The following PTPRO variants were observed in gnomAD, a reference collection of about 807,000 sequenced individuals.
PTPRO encodes receptor-type tyrosine-protein phosphatase O.
PTPRO carries 62 observed loss-of-function variants against 145.2 expected under a neutral mutation model. The ratio of observed to expected loss-of-function variants is 0.43; its 90% CI spans 0.35 to 0.53. The LOEUF (loss-of-function observed/expected upper bound fraction) is 0.53. Among genes scored for constraint, PTPRO ranks in the 20% least tolerant of loss-of-function variants. The pLI is 0.01. For synonymous variants in PTPRO, 565 were observed against 514.7 expected (o/e 1.10, Z -1.32); for missense variants, 1,345 against 1,482.7 (o/e 0.91, Z 1.53).
chr12:15,449,138 G>A (rs1217733607), intron 1 of PTPRO, among the ~76,000 whole-genome samples: 1 of 150,164 alleles, frequency 6.7e-6, no homozygotes, highest in East Asian at 1.9e-4. Context: ...AAAAAAAAAG[G>A]AAATGACATA....
intron 1 of PTPRO, among the ~76,000 whole-genome samples, chr12:15,336,999 C>T (rs575824650): frequency 1.3e-5 from 2 of 152,262 alleles, no homozygotes; most frequent in South Asian, 4.1e-4. Context: ...ACAATCAGAA[C>T]CTAGTCCTAC....
intron 1 of PTPRO, among the ~76,000 whole-genome samples, chr12:15,344,952 C>T (rs1035014638): frequency 6.6e-6 from 1 of 152,198 alleles, no homozygotes; most frequent in Non-Finnish European, 1.5e-5. Flanking sequence ...TATTCTATGG[C>T]TCAGAGGAAT....
intron 7 of PTPRO, among the ~76,000 whole-genome samples, chr12:15,509,202 CGTGA>C (rs1018048203): frequency 6.6e-6 from 1 of 151,818 alleles, no homozygotes; most frequent in African/African-American, 2.4e-5. Context: ...AGGAGCTGAG[CGTGA>C]GTAACATGGA....
chr12:15,597,733 A>G lies in PTPRO; in HGVS notation c.*1660A>G, dbSNP rs1047723005. On this transcript the variant is annotated 3_prime_UTR_variant, in exon 27 of 27. Coordinates refer to ENST00000281171, the MANE Select transcript of PTPRO (RefSeq NM_030667.3). ...TGCAGGTTAACAGCTTGGGCTCCTC[A>G]GGGGTTGTCAGTTCCTACTCACCTC... Among the ~76,000 whole-genome samples the G allele has an allele frequency of 1.3e-5, 2 of 152,162 alleles. No homozygotes were observed. Among genetic ancestry groups the G allele is most frequent in the East Asian group, 3.9e-4 (2 of 5,194 alleles).
At chr12:15,350,727 G>A (rs890074383) in intron 1 of PTPRO, among the ~76,000 whole-genome samples, 4 of 152,194 alleles carry the variant, frequency 2.6e-5, no homozygotes, top group African/African-American at 9.7e-5. Context: ...TACCTCTGTT[G>A]TACCAGATGC....
At chr12:15,450,844 T>A (rs768695108) in intron 1 of PTPRO, among the ~76,000 whole-genome samples, 63 of 151,900 alleles carry the variant, frequency 4.1e-4, no homozygotes, top group Non-Finnish European at 7.5e-4. Context: ...GAGCTCTAAA[T>A]CTTGAAACAA....
chr12:15,458,129 G>A (rs575506303), intron 1 of PTPRO, among the ~76,000 whole-genome samples: 1 of 152,256 alleles, frequency 6.6e-6, no homozygotes, highest in African/African-American at 2.4e-5. Context: ...GCCATATATA[G>A]TGTTCTTAGT....
At chr12:15,577,218 A>G (rs939930397) in intron 19 of PTPRO, among the ~76,000 whole-genome samples, 2 of 152,224 alleles carry the variant, frequency 1.3e-5, no homozygotes, top group Non-Finnish European at 2.9e-5. Context: ...AGAACTTCAG[A>G]TATTGTCATC....
chr12:15,560,338 A>C, intron 17 of PTPRO, 62 bp downstream of exon 17: 1 of 1,278,034 alleles, frequency 7.8e-7, no homozygotes, highest in South Asian at 1.2e-5. Flanking sequence ...CAAGAAGTAA[A>C]CAAAAAGGAA....
At chr12:15,592,600 G>A (rs1944576748) in intron 25 of PTPRO, among the ~76,000 whole-genome samples, 2 of 152,122 alleles carry the variant, frequency 1.3e-5, no homozygotes, top group South Asian at 2.1e-4. Context: ...ACTTCTTCAC[G>A]CAAGTAGAGG....
intron 1 of PTPRO, among the ~76,000 whole-genome samples, chr12:15,384,054 T>C (rs1012477781): frequency 6.6e-6 from 1 of 152,172 alleles, no homozygotes; most frequent in Non-Finnish European, 1.5e-5. Flanking sequence ...TCTATTTTAA[T>C]ATTAATGCTA....
At chr12:15,520,080 CA>C (rs1942682906) in intron 9 of PTPRO, 120 bp from the exon 10 acceptor site, 1 of 659,424 alleles carries the variant, frequency 1.5e-6, no homozygotes. Flanking sequence ...TTAGGAAACA[CA>C]AAAAGACAAT....
intron 1 of PTPRO, among the ~76,000 whole-genome samples, chr12:15,441,916 T>C (rs541733622): frequency 1.4e-4 from 22 of 152,278 alleles, no homozygotes; most frequent in South Asian, 4.1e-4. Flanking sequence ...AGCCAAATTC[T>C]ACCAGATGTA....
chr12:15,508,447 C>A, intron 6 of PTPRO, 124 bp from the exon 7 acceptor site: 1 of 1,041,456 alleles, frequency 9.6e-7, no homozygotes, highest in South Asian at 1.4e-5. Context: ...GCCAGTCCGA[C>A]CGCCAATCTT....
At position 15,543,542 on chromosome 12, in the gene PTPRO, C is replaced by A. The variant is rs142710533; in HGVS notation, c.2165-3027C>A. Among the ~76,000 whole-genome samples the A allele has an allele frequency of 4.2e-3, 637 of 152,284 alleles. 5 individuals carry two copies. The highest frequency in any genetic ancestry group is 0.015 in the African/African-American group (612 of 41,562). ...TCTGGTCTTGCCTGGTGCTTGAATC[C>A]TCCTCTTTTGGTTGATGAATCTTGA... On this transcript the variant is annotated intron_variant, in intron 12 of 26. Coordinates refer to ENST00000281171, the MANE Select transcript of PTPRO (RefSeq NM_030667.3).
chr12:15,526,139 C>T lies in PTPRO; in HGVS notation c.2044-3C>T, dbSNP rs753425869. 1.9e-6 allele frequency: 3 copies of T among 1,613,820 alleles called. No individual in the cohort carries two copies. Among genetic ancestry groups the T allele is most frequent in the Non-Finnish European group, 1.7e-6 (2 of 1,179,910 alleles). ...TAAACCCTTGATTTTGATGATCTTG[C>T]AGGTAACACGCAATGTCATGACTGC... On this transcript the variant is annotated splice_region_variant and splice_polypyrimidine_tract_variant and intron_variant, in intron 11 of 26. Coordinates refer to ENST00000281171, the MANE Select transcript of PTPRO (RefSeq NM_030667.3).
rs372212696 is a variant in PTPRO, at chr12:15,490,111, T to C, written c.349+5864T>C. On this transcript the variant is annotated intron_variant, in intron 2 of 26. Transcript: ENST00000281171. ...GAGGGAGAAATTACATAATAGGATT[T>C]GAATGGAGAAAGCTCTCTCTTGTAG... 2.0e-5 allele frequency among the ~76,000 whole-genome samples: 3 copies of C among 152,320 alleles called. No homozygotes were observed. In the East Asian group the frequency reaches 5.8e-4, roughly 29 times the overall value.
chr12:15,428,183 C>G (rs1244664443), intron 1 of PTPRO, among the ~76,000 whole-genome samples: 1 of 152,062 alleles, frequency 6.6e-6, no homozygotes, highest in Non-Finnish European at 1.5e-5. Flanking sequence ...AGTGCTTTGG[C>G]AAAGGATGAG....
chr12:15,500,778 T>C (rs3790007), intron 4 of PTPRO, among the ~76,000 whole-genome samples: 146,232 of 152,114 alleles, frequency 0.96, 70,348 homozygotes, highest in Middle Eastern at 1. Flanking sequence ...AAATATTAGC[T>C]GGGCATGGTG....
Sources: allele counts gnomAD v4.1 joint callset (sites outside exome capture counted in the v4.1 genomes callset), GRCh38; gene constraint gnomAD v4.1.1; transcripts MANE v1.5; gene names NCBI Gene and HGNC (gene_info 2026-07-23, HGNC 2026-07-21).